TMEM45B: variants seen among roughly 807,000 people sequenced by gnomAD.
TMEM45B encodes the protein transmembrane protein 45B.
A neutral mutation model predicts 27.3 loss-of-function variants in TMEM45B; 29 were observed. That is an observed-to-expected ratio of 1.06 (90% CI 0.79 to 1.45). The LOEUF is 1.45. TMEM45B is among the 40% of genes most tolerant of loss of function. The probability of loss-of-function intolerance (pLI) is 0.00; values close to 1 mark genes in which losing one functional copy is unlikely to be tolerated. For synonymous variants in TMEM45B, 143 were observed against 134.7 expected, an observed-to-expected ratio of 1.06 and a Z score of -0.43; for missense variants, 348 against 343.9, an observed-to-expected ratio of 1.01 and a Z score of -0.09.
At chr11:129,815,966 A>G (rs1445673420) in intron 1 of TMEM45B, 68 bp downstream of exon 1, 2 of 1,260,152 alleles carry the variant, frequency 1.6e-6, no homozygotes, top group East Asian at 3.1e-5. Context: ...GGGCCCCGCC[A>G]AGGAGCGGGG....
At chr11:129,818,729 T>C (rs1483113182) in intron 1 of TMEM45B, among the ~76,000 whole-genome samples, 3 of 152,246 alleles carry the variant, frequency 2.0e-5, no homozygotes, top group Non-Finnish European at 4.4e-5. Context: ...CTCTCTCGTT[T>C]GGTATATTTC....
intron 1 of TMEM45B, among the ~76,000 whole-genome samples, chr11:129,849,661 C>T (rs1014262565): frequency 2.0e-5 from 3 of 152,224 alleles, no homozygotes; most frequent in African/African-American, 7.2e-5. Context: ...AGATTTATAA[C>T]TTGCGCCCTC....
rs1173938243 is a variant in TMEM45B at position 129,855,860 on chromosome 11, CTCA to C, written c.543_545del (p.Ile182del). The C allele has an allele frequency of 1.9e-6, 3 of 1,614,182 alleles. No individual in the cohort carries two copies. The highest frequency in any genetic ancestry group is 2.5e-6 in the Non-Finnish European group (3 of 1,180,036). On this transcript the variant is annotated inframe_deletion, in exon 4 of 6. Coordinates refer to ENST00000281441, the MANE Select transcript of TMEM45B (RefSeq NM_138788.5). ...TGTGCTGGAACTTTTCCGAACCAGT[CTCA>C]TCATTCTTCAGGGAACCTGGTTCTG...
chr11:129,850,132 T>C (rs1947825496), intron 1 of TMEM45B, among the ~76,000 whole-genome samples: 1 of 146,110 alleles, frequency 6.8e-6, no homozygotes, highest in Non-Finnish European at 1.5e-5. Context: ...GCCTTCAAAT[T>C]ATTTCTCTTT....
At chr11:129,856,476 GC>G (rs1947927045) in intron 4 of TMEM45B, among the ~76,000 whole-genome samples, 1 of 151,808 alleles carries the variant, frequency 6.6e-6, no homozygotes, top group Non-Finnish European at 1.5e-5. Flanking sequence ...CTCCCAAAGA[GC>G]TGGGATTATA....
chr11:129,852,324 G>GT (rs1292476380), intron 1 of TMEM45B, among the ~76,000 whole-genome samples, 151 bp from the exon 2 acceptor site: 4 of 152,152 alleles, frequency 2.6e-5, no homozygotes, highest in Non-Finnish European at 5.9e-5. Flanking sequence ...CTTCAGTGAC[G>GT]TAACATAAGG....
chr11:129,849,609 A>T (rs1294027135), intron 1 of TMEM45B, among the ~76,000 whole-genome samples: 1 of 152,194 alleles, frequency 6.6e-6, no homozygotes, highest in Non-Finnish European at 1.5e-5. Flanking sequence ...CAGCTCATAC[A>T]GTATGCATAC....
chr11:129,848,452 A>T (rs1399349614), intron 1 of TMEM45B, among the ~76,000 whole-genome samples: 2 of 152,188 alleles, frequency 1.3e-5, no homozygotes, highest in African/African-American at 2.4e-5. Flanking sequence ...CAGTGAGCCG[A>T]GATGGCAGCA....
chr11:129,820,425 T>C (rs1450412878), intron 1 of TMEM45B, among the ~76,000 whole-genome samples: 1 of 152,204 alleles, frequency 6.6e-6, no homozygotes. Flanking sequence ...TTATGAGTCA[T>C]AGATCCTGTC....
At chr11:129,818,098 GTCC>G (rs1947373992) in intron 1 of TMEM45B, among the ~76,000 whole-genome samples, 1 of 152,120 alleles carries the variant, frequency 6.6e-6, no homozygotes, top group African/African-American at 2.4e-5. Context: ...GGTGAGTGCT[GTCC>G]TCCTCACACT....
rs972476858 is a variant in TMEM45B, at chr11:129,854,041, G to A, written c.179-569G>A. ...TTTACCCGGTGTTTTAAAACACACA[G>A]CTGGGAGGGGCGCAGGGCTTGCAGA... On this transcript the variant is annotated intron_variant, in intron 2 of 5. Transcript: ENST00000281441. Among the ~76,000 whole-genome samples, 4 of 152,300 alleles carry A rather than the reference G, an allele frequency of 2.6e-5. No homozygotes were observed. The South Asian group carries it at 8.3e-4, about 32-fold the overall frequency.
At position 129,846,942 on chromosome 11, in the gene TMEM45B, T is replaced by G. The variant is rs146326718; in HGVS notation, c.-8-5533T>G. 5.4e-3 allele frequency among the ~76,000 whole-genome samples: 826 copies of G among 152,310 alleles called. 6 individuals carry two copies. The highest frequency in any genetic ancestry group is 0.019 in the African/African-American group (783 of 41,572). On this transcript the variant is annotated intron_variant, in intron 1 of 5. Coordinates refer to ENST00000281441, the MANE Select transcript of TMEM45B (RefSeq NM_138788.5). The stretch of plus-strand genomic sequence containing the variant: ...GGAAGGGATCCAGTGTGGCAGGGGA[T>G]GAGTGCTGGGAGAAATCAAAGAGAT...
chr11:129,822,522 T>C (rs973958491), intron 1 of TMEM45B, among the ~76,000 whole-genome samples: 1 of 152,198 alleles, frequency 6.6e-6, no homozygotes, highest in Non-Finnish European at 1.5e-5. Context: ...AATGGGTTTC[T>C]CTGTAGAAAG....
At chr11:129,841,105 C>T (rs530461221) in intron 1 of TMEM45B, among the ~76,000 whole-genome samples, 1 of 152,200 alleles carries the variant, frequency 6.6e-6, no homozygotes, top group South Asian at 2.1e-4. Flanking sequence ...ACTAGATCTT[C>T]AGGCAAGTAG....
rs564590821 is a variant in TMEM45B at position 129,839,343 on chromosome 11, C to T, written c.-8-13132C>T. Among the ~76,000 whole-genome samples the T allele has an allele frequency of 1.6e-3, 239 of 152,072 alleles. 1 individual carries two copies. Among genetic ancestry groups the T allele is most frequent in the African/African-American group, 4.9e-3 (203 of 41,442 alleles). On this transcript the variant is annotated intron_variant, in intron 1 of 5. Coordinates refer to ENST00000281441, the MANE Select transcript of TMEM45B (RefSeq NM_138788.5). ...GATGAGGTCTTCACACATCCCTGGC[C>T]GAGTGGAAAAGCTATGCATCTATAG... is the stretch of plus-strand genomic sequence containing the variant.
chr11:129,839,963 C>T (rs1249621787), intron 1 of TMEM45B, among the ~76,000 whole-genome samples: 2 of 152,168 alleles, frequency 1.3e-5, no homozygotes, highest in Non-Finnish European at 2.9e-5. Flanking sequence ...TTTTATTTAA[C>T]ATGTATTTTA....
chr11:129,845,891 A>G (rs1025517105), intron 1 of TMEM45B, among the ~76,000 whole-genome samples: 3 of 152,212 alleles, frequency 2.0e-5, no homozygotes, highest in Non-Finnish European at 4.4e-5. Flanking sequence ...AAGCTGCAGC[A>G]AAAGGTAGGG....
At chr11:129,821,365 CAG>C (rs1201588403) in intron 1 of TMEM45B, among the ~76,000 whole-genome samples, 1 of 152,174 alleles carries the variant, frequency 6.6e-6, no homozygotes, top group South Asian at 2.1e-4. Flanking sequence ...TCTGAAAAGA[CAG>C]AGTCTAGAAC....
At chr11:129,826,366 A>G (rs1239600168) in intron 1 of TMEM45B, among the ~76,000 whole-genome samples, 9 of 151,678 alleles carry the variant, frequency 5.9e-5, no homozygotes, top group Admixed American at 1.3e-4. Context: ...TGGCTAACAC[A>G]GTGAAACCGT....
Sources: allele counts gnomAD v4.1 joint callset (sites outside exome capture counted in the v4.1 genomes callset), GRCh38; gene constraint gnomAD v4.1.1; transcripts MANE v1.5; gene names NCBI Gene and HGNC (gene_info 2026-07-23, HGNC 2026-07-21).